The following CTIF variants were observed in gnomAD, a reference collection of about 807,000 sequenced individuals.
The protein encoded by CTIF is CBP80/20-dependent translation initiation factor.
In CTIF, 21 loss-of-function variants were observed where a neutral mutation model predicts 66.0. That is an observed-to-expected ratio of 0.32 (90% CI 0.23 to 0.46). The LOEUF (loss-of-function observed/expected upper bound fraction) is 0.46, where lower values mean the gene tolerates loss of function less well. CTIF is among the 20% of genes least tolerant of loss of function. CTIF has a pLI of 1.00. For synonymous variants in CTIF, 345 were observed against 326.4 expected, an observed-to-expected ratio of 1.06 and a Z score of -0.62; for missense variants, 739 against 812.7, an observed-to-expected ratio of 0.91 and a Z score of 1.10.
intron 2 of CTIF, among the ~76,000 whole-genome samples, chr18:48,624,473 C>T (rs956307002): frequency 1.3e-5 from 2 of 152,120 alleles, no homozygotes; most frequent in Non-Finnish European, 2.9e-5. Flanking sequence ...ATTAGGTCTC[C>T]AAATCTCATT....
intron 9 of CTIF, among the ~76,000 whole-genome samples, chr18:48,785,929 C>T (rs980992423): frequency 1.3e-5 from 2 of 152,178 alleles, no homozygotes; most frequent in Non-Finnish European, 2.9e-5. Flanking sequence ...TGCCCCCACC[C>T]ATTTGGCTGG....
chr18:48,779,351 G>T (rs978378909), intron 9 of CTIF, among the ~76,000 whole-genome samples: 11 of 152,200 alleles, frequency 7.2e-5, no homozygotes, highest in Non-Finnish European at 1.3e-4. Context: ...GTTCCAGAGA[G>T]CTTAGGAGGT....
In CTIF at chr18:48,861,923, ACT is replaced by A. The variant is rs2069478618; in HGVS notation, c.*2365_*2366del. The A allele has an allele frequency of 6.6e-6, 1 of 152,306 alleles. No individual in the cohort carries two copies. The highest frequency in any genetic ancestry group is 1.9e-4 in the East Asian group (1 of 5,188). 9.4% of individuals were successfully genotyped at this position (152,306 alleles called of 1,614,324 possible). On this transcript the variant is annotated 3_prime_UTR_variant, in exon 12 of 12. Coordinates refer to ENST00000256413, the MANE Select transcript of CTIF (RefSeq NM_014772.3). ...GTCGTGTCACGGTGGCTCCAGACATACTGTTTGCCTAGTTTATTCCACTGCTT... is the reference window on the plus strand; with the variant it reads ...GTCGTGTCACGGTGGCTCCAGACATAGTTTGCCTAGTTTATTCCACTGCTT...
In CTIF at chr18:48,761,784, T is replaced by C. The variant is rs1411060994; in HGVS notation, c.1371+95T>C. The C allele has an allele frequency of 6.2e-6, 8 of 1,288,260 alleles. No individual in the cohort carries two copies. The highest frequency in any genetic ancestry group is 8.6e-6 in the Non-Finnish European group (8 of 935,402). 79.8% of individuals were successfully genotyped at this position (1,288,260 alleles called of 1,614,324 possible). A position where few individuals can be genotyped will look rare whatever the true frequency, so the allele number is the denominator to read the frequency against. On this transcript the variant is annotated intron_variant, in intron 9 of 11. Coordinates refer to ENST00000256413, the MANE Select transcript of CTIF (RefSeq NM_014772.3). The surrounding 1 kb of genome is among the most constrained non-coding windows in gnomAD (Gnocchi z 4.2). ...AGAAGGCTGCGAGTTCTGGCCACAG[T>C]TGGACTTTTCCCAAGTTCCGCCCTT...
At chr18:48,573,261 C>T (rs1322681655) in intron 1 of CTIF, among the ~76,000 whole-genome samples, 2 of 152,180 alleles carry the variant, frequency 1.3e-5, no homozygotes, top group African/African-American at 4.8e-5. Flanking sequence ...GTCAGAGCAG[C>T]TTTAAAACAC....
chr18:48,702,754 C>G (rs982982504), intron 6 of CTIF, among the ~76,000 whole-genome samples: 2 of 152,142 alleles, frequency 1.3e-5, no homozygotes, highest in Non-Finnish European at 2.9e-5. Flanking sequence ...AGCCTGCCCA[C>G]CCCCGACTTT....
At chr18:48,816,380 G>A (rs201376437) in intron 9 of CTIF, among the ~76,000 whole-genome samples, 1 of 152,188 alleles carries the variant, frequency 6.6e-6, no homozygotes, top group East Asian at 1.9e-4. Context: ...TCAGCTCTCA[G>A]AGCGCTGAGG....
At chr18:48,722,707 C>A (rs2092351019) in intron 7 of CTIF, among the ~76,000 whole-genome samples, 1 of 151,818 alleles carries the variant, frequency 6.6e-6, no homozygotes, top group Non-Finnish European at 1.5e-5. Context: ...CCCATCAGCG[C>A]TCACAGGTGT....
intron 10 of CTIF, among the ~76,000 whole-genome samples, chr18:48,854,912 T>C (rs563138872): frequency 9.3e-4 from 141 of 152,340 alleles, no homozygotes; most frequent in African/African-American, 3.2e-3. Context: ...TCAACCACAC[T>C]CATTGACATA....
intron 6 of CTIF, among the ~76,000 whole-genome samples, chr18:48,690,225 C>T (rs2091906844): frequency 6.6e-6 from 1 of 152,118 alleles, no homozygotes; most frequent in African/African-American, 2.4e-5. Context: ...TGGGCGTTTA[C>T]AGACTCTCCT....
At chr18:48,730,040 TG>T (rs1419003702) in intron 7 of CTIF, among the ~76,000 whole-genome samples, 1 of 152,204 alleles carries the variant, frequency 6.6e-6, no homozygotes, top group Non-Finnish European at 1.5e-5. Flanking sequence ...TGTCCACAGC[TG>T]TGCTGCCCAG....
At chr18:48,781,365 C>T (rs1276738302) in intron 9 of CTIF, among the ~76,000 whole-genome samples, 1 of 152,150 alleles carries the variant, frequency 6.6e-6, no homozygotes, top group Non-Finnish European at 1.5e-5. Flanking sequence ...GCGTCACAGT[C>T]TAGGGCAAAG....
At chr18:48,586,625 A>T (rs1414302565) in intron 1 of CTIF, among the ~76,000 whole-genome samples, 1 of 152,234 alleles carries the variant, frequency 6.6e-6, no homozygotes, top group Non-Finnish European at 1.5e-5. Context: ...TTCTTTGGTT[A>T]GTCACTGCGA....
intron 3 of CTIF, among the ~76,000 whole-genome samples, chr18:48,659,828 G>A (rs1405801431): frequency 2.6e-5 from 4 of 152,240 alleles, no homozygotes; most frequent in African/African-American, 9.6e-5. Context: ...TGAGCCACAG[G>A]GCGGGGGTGG....
chr18:48,621,496 T>C (rs2090492794), intron 2 of CTIF: 1 of 344,110 alleles, frequency 2.9e-6, no homozygotes, highest in African/African-American at 2.3e-5. Flanking sequence ...AGCCCTGGAG[T>C]GGCCCCACAT....
At chr18:48,846,512 T>G (rs1159439907) in intron 10 of CTIF, among the ~76,000 whole-genome samples, 1 of 150,478 alleles carries the variant, frequency 6.6e-6, no homozygotes, top group Non-Finnish European at 1.5e-5. Flanking sequence ...GATGGATGGA[T>G]GGATGGATGG....
intron 9 of CTIF, among the ~76,000 whole-genome samples, chr18:48,791,817 C>CT (rs2067799647): frequency 6.6e-6 from 1 of 152,214 alleles, no homozygotes; most frequent in African/African-American, 2.4e-5. Flanking sequence ...CTGCTGGAGT[C>CT]TATCTGTGCC....
At chr18:48,541,360 G>T (rs1335437257) in intron 1 of CTIF, among the ~76,000 whole-genome samples, 4 of 152,072 alleles carry the variant, frequency 2.6e-5, no homozygotes, top group Admixed American at 6.5e-5. Flanking sequence ...TCCGTAGGGC[G>T]AAAGTGACAC....
At chr18:48,584,817 G>C (rs1192484334) in intron 1 of CTIF, among the ~76,000 whole-genome samples, 1 of 152,154 alleles carries the variant, frequency 6.6e-6, no homozygotes, top group African/African-American at 2.4e-5. Context: ...TCAATGTTTT[G>C]TCCCCTCTTA....
Sources: allele counts gnomAD v4.1 joint callset (sites outside exome capture counted in the v4.1 genomes callset), GRCh38; gene constraint gnomAD v4.1.1; non-coding constraint Gnocchi (gnomAD v3.1); transcripts MANE v1.5; gene names NCBI Gene and HGNC (gene_info 2026-07-23, HGNC 2026-07-21).